Variants in RABEPK observed in about 807,000 individuals in gnomAD.
The protein encoded by RABEPK is 40 kDa Rab9 effector protein.
Under a neutral mutation model 34.1 loss-of-function variants are expected in RABEPK, and 27 were observed. That is an observed-to-expected ratio of 0.79 (90% CI 0.58 to 1.09). The LOEUF is 1.09. Ranked by LOEUF, RABEPK falls within the 50% of genes least tolerant of loss-of-function variation. RABEPK has a pLI of 0.00. For missense variants in RABEPK, 449 were observed against 462.6 expected (o/e 0.97, Z 0.27); for synonymous variants, 172 against 169.2 (o/e 1.02, Z -0.13).
chr9:125,221,520 G>A (rs1196832639), intron 5 of RABEPK: 1 of 151,314 alleles, frequency 6.6e-6, no homozygotes, highest in Non-Finnish European at 1.5e-5. Context: ...AAATAAAAAG[G>A]TATAATGATC....
chr9:125,205,051 G>A (rs1265447893), intron 2 of RABEPK, among the ~76,000 whole-genome samples: 1 of 151,738 alleles, frequency 6.6e-6, no homozygotes, highest in Non-Finnish European at 1.5e-5. Flanking sequence ...TCAAACTCCT[G>A]GGCTCAGGCG....
chr9:125,231,944 G>A (rs1832212145), intron 6 of RABEPK, among the ~76,000 whole-genome samples: 1 of 138,704 alleles, frequency 7.2e-6, no homozygotes, highest in Non-Finnish European at 1.5e-5. Flanking sequence ...TTGTTGCCCA[G>A]GCTGGAGTGC....
rs117057485 is a variant in RABEPK at position 125,207,439 on chromosome 9, G to A, written c.54-125G>A. The stretch of plus-strand genomic sequence containing the variant: ...TTAATCAGAGAAGTGCTGCTTTATT[G>A]GGTACAATTTAAAGTGTCTGCATAA... On this transcript the variant is annotated intron_variant, in intron 2 of 7. Transcript: ENST00000373538. 5,402 of 999,190 alleles carry A rather than the reference G, an allele frequency of 5.4e-3. 293 individuals carry two copies. The Admixed American group carries it at 0.094, about 17-fold the overall frequency. The allele number at this position is 999,190 out of a possible 1,614,324, so 61.9% of individuals were successfully genotyped here. A position where few individuals can be genotyped will look rare whatever the true frequency, so the allele number is the denominator to read the frequency against.
chr9:125,203,235 G>A (rs1340258315), intron 2 of RABEPK, among the ~76,000 whole-genome samples, 169 bp downstream of exon 2: 1 of 152,118 alleles, frequency 6.6e-6, no homozygotes, highest in Non-Finnish European at 1.5e-5. Context: ...AAAGATAGGG[G>A]GGCAGTAATT....
rs557423017 is a variant in RABEPK, at chr9:125,224,948, C to G, written c.527-2962C>G. ...AGACTAGTCTGTTTTTTTCCCCAAC[C>G]CCTTCAGCAAATCAATTAAGTCTAG... On this transcript the variant is annotated intron_variant, in intron 5 of 7. Transcript: ENST00000373538. Among the ~76,000 whole-genome samples the G allele has an allele frequency of 5.3e-5, 8 of 152,204 alleles. No individual in the cohort carries two copies. In the South Asian group the frequency reaches 1.7e-3, roughly 32 times the overall value.
rs1336347553 is a variant in RABEPK, at chr9:125,233,700, G to A, written c.839G>A (p.Trp280Ter). ...MYQYHTEEQH[W>*]TLLKFDTLLP... ...CTCCCCAACATAGAAGAGCAGCATT[G>A]GACCTTGCTTAAATTTGATACTCTT... Residue 280 changes from tryptophan (W) to a stop codon, truncating the protein, a stop_gained, in exon 8 of 8, where the codon TGG (tryptophan) becomes TAG (stop). Transcript: ENST00000373538. LOFTEE classifies it low-confidence loss of function (END_TRUNC). The A allele has an allele frequency of 6.2e-7, 1 of 1,613,640 alleles. No individual in the cohort carries two copies. Among genetic ancestry groups the A allele is most frequent in the Admixed American group, 1.7e-5 (1 of 59,972 alleles).
intron 6 of RABEPK, among the ~76,000 whole-genome samples, chr9:125,231,378 C>G (rs970616898): frequency 1.3e-5 from 2 of 152,160 alleles, no homozygotes; most frequent in South Asian, 4.1e-4. Context: ...AGCACATTAT[C>G]GTGTAGAGAT....
At chr9:125,222,608 G>C (rs1011365170) in intron 5 of RABEPK, among the ~76,000 whole-genome samples, 3 of 151,082 alleles carry the variant, frequency 2.0e-5, no homozygotes, top group Non-Finnish European at 4.4e-5. Context: ...CAGCTACTTG[G>C]GAGGCTGAGG....
At chr9:125,216,194 G>A (rs778027642) in intron 4 of RABEPK, among the ~76,000 whole-genome samples, 10 of 152,086 alleles carry the variant, frequency 6.6e-5, no homozygotes, top group African/African-American at 2.4e-4. Flanking sequence ...TGAGGAGGGC[G>A]AGGCAGGAGG....
intron 2 of RABEPK, among the ~76,000 whole-genome samples, chr9:125,205,345 G>A (rs1306002262): frequency 1.3e-5 from 2 of 152,160 alleles, no homozygotes; most frequent in South Asian, 2.1e-4. Flanking sequence ...AGTCTGTAAG[G>A]GCTATCAAGG....
chr9:125,201,079 T>G (rs1430565820), intron 1 of RABEPK, among the ~76,000 whole-genome samples, 173 bp downstream of exon 1: 3 of 152,216 alleles, frequency 2.0e-5, no homozygotes, highest in Admixed American at 6.5e-5. Context: ...TCTAGAAGCC[T>G]TAAATAGATA....
At chr9:125,218,578 G>A (rs542452115) in intron 4 of RABEPK, among the ~76,000 whole-genome samples, 23 of 149,972 alleles carry the variant, frequency 1.5e-4, no homozygotes, top group Non-Finnish European at 2.4e-4. Context: ...ATCCTTAAAA[G>A]AAATAAGCTT....
chr9:125,232,217 T>TACACAC (rs34676967), intron 6 of RABEPK, among the ~76,000 whole-genome samples: 284 of 118,158 alleles, frequency 2.4e-3, no homozygotes, highest in African/African-American at 7.5e-3. Flanking sequence ...GTATTTAAAG[T>TACACAC]ACACACACAC....
chr9:125,217,510 C>G lies in RABEPK; in HGVS notation c.365-3029C>G, dbSNP rs1160361580. The stretch of plus-strand genomic sequence containing the variant: ...CCACCTCTTGGGTTCAAATGATTCT[C>G]CAGCCTCAGCCTCTCGAGTAGCTGG... On this transcript the variant is annotated intron_variant, in intron 4 of 7. Coordinates refer to ENST00000373538, the MANE Select transcript of RABEPK (RefSeq NM_005833.4). Among the ~76,000 whole-genome samples the G allele has an allele frequency of 5.9e-5, 9 of 152,228 alleles. No homozygotes were observed. The East Asian group carries it at 1.7e-3, about 29-fold the overall frequency.
chr9:125,212,054 C>G (rs1830623225), intron 3 of RABEPK, among the ~76,000 whole-genome samples: 1 of 152,150 alleles, frequency 6.6e-6, no homozygotes, highest in Non-Finnish European at 1.5e-5. Context: ...TTTATTGCAA[C>G]CTATTAATAG....
At chr9:125,211,810 A>G (rs192626785) in intron 3 of RABEPK, among the ~76,000 whole-genome samples, 2 of 152,208 alleles carry the variant, frequency 1.3e-5, no homozygotes, top group Admixed American at 6.5e-5. Context: ...CTCTACTAAA[A>G]ATACAAAAAT....
At chr9:125,222,429 C>T (rs1406308090) in intron 5 of RABEPK, 3 of 151,234 alleles carry the variant, frequency 2.0e-5, no homozygotes, top group Admixed American at 6.6e-5. Flanking sequence ...AGAGATAATT[C>T]AAACCAGATG....
chr9:125,226,265 G>A (rs909775731), intron 5 of RABEPK, among the ~76,000 whole-genome samples: 4 of 150,810 alleles, frequency 2.7e-5, no homozygotes, highest in South Asian at 2.1e-4. Flanking sequence ...TGCAGTGGGC[G>A]AAGATCGCAC....
intron 6 of RABEPK, 62 bp from the exon 7 acceptor site, chr9:125,232,534 A>G: frequency 1.2e-5 from 18 of 1,532,102 alleles, no homozygotes; most frequent in Non-Finnish European, 1.6e-5. Flanking sequence ...TACAGTAGAT[A>G]GATAAGTTTG....
Sources: gnomAD v4.1 joint callset for allele counts (sites outside exome capture counted in the v4.1 genomes callset) on GRCh38, gnomAD v4.1.1 for gene constraint, MANE v1.5 for transcripts, NCBI Gene and HGNC (gene_info 2026-07-23, HGNC 2026-07-21) for gene names.